The following COPG1 variants were observed in gnomAD, a reference collection of about 807,000 sequenced individuals.
COPG1 encodes the protein coat protein complex I subunit gamma 1.
In COPG1, 29 loss-of-function variants were observed where a neutral mutation model predicts 102.8. The observed-to-expected ratio is 0.28, with a 90% CI of 0.21 to 0.38. The LOEUF (loss-of-function observed/expected upper bound fraction) is 0.38, where lower values mean the gene tolerates loss of function less well. COPG1 is among the 10% of genes least tolerant of loss of function. COPG1 has a pLI of 1.00. For synonymous variants in COPG1, 406 were observed against 421.6 expected, an observed-to-expected ratio of 0.96 and a Z score of 0.45; for missense variants, 875 against 1,132.7, an observed-to-expected ratio of 0.77 and a Z score of 3.27.
chr3:129,255,951 G>C (rs987218005), intron 7 of COPG1, 117 bp from the exon 8 acceptor site: 2 of 792,146 alleles, frequency 2.5e-6, no homozygotes, highest in African/African-American at 1.7e-5. Flanking sequence ...CATGGTCTCT[G>C]AGGACCAGGA....
At chr3:129,251,240 A>AAAATAGAGAGAAATTT (rs1560061084) in intron 2 of COPG1, among the ~76,000 whole-genome samples, 37 of 150,852 alleles carry the variant, frequency 2.5e-4, no homozygotes, top group African/African-American at 8.8e-4. Flanking sequence ...TTAAACATTT[A>AAAATAGAGAGAAATTT]AAAAATTTCT....
Position 129,252,920 on chromosome 3 carries a change from T to C in COPG1, c.288T>C (p.Ser96=). 1 of 1,614,192 alleles carries C rather than the reference T, an allele frequency of 6.2e-7. No homozygotes were observed. The highest frequency in any genetic ancestry group is 8.5e-7 in the Non-Finnish European group (1 of 1,180,028). Residue 96 remains serine (S), a synonymous_variant, in exon 5 of 24, where the codon TCT becomes TCC. Transcript: ENST00000314797. ...RMCYLTIKEM[S]CIAEDVIIVT... is the part of the protein sequence containing the mutation. ...GCTACTTGACCATCAAGGAGATGTC[T>C]TGCATTGCAGAGGATGTCATCATTG... is the stretch of plus-strand genomic sequence containing the variant.
chr3:129,268,810 T>C (rs1264548333), intron 17 of COPG1, 122 bp from the exon 18 acceptor site: 4 of 1,137,904 alleles, frequency 3.5e-6, no homozygotes, highest in Non-Finnish European at 5.3e-6. Context: ...CTCACATGTC[T>C]TCTGCTTCCC....
chr3:129,271,963 A>G lies in COPG1; in HGVS notation c.1986+54A>G. 1 of 1,584,754 alleles carries G rather than the reference A, an allele frequency of 6.3e-7. No homozygotes were observed. Among genetic ancestry groups the G allele is most frequent in the Non-Finnish European group, 8.6e-7 (1 of 1,163,456 alleles). Reference sequence around the variant, plus strand: ...GGGCATGCGCCCAGGGAGTTGTCCCAGGTCTGGCAGGTCCTGTAGGGTCAT... The same window carrying G: ...GGGCATGCGCCCAGGGAGTTGTCCCGGGTCTGGCAGGTCCTGTAGGGTCAT... On this transcript the variant is annotated intron_variant, in intron 19 of 23. Coordinates refer to ENST00000314797, the MANE Select transcript of COPG1 (RefSeq NM_016128.4). This position sits in a 1 kb window ranked among gnomAD's most constrained non-coding sequence, Gnocchi z 4.7.
Position 129,271,783 on chromosome 3 carries a change from G to A in COPG1, c.1860G>A (p.Val620=). 9 of 1,614,218 alleles carry A rather than the reference G, an allele frequency of 5.6e-6. No individual in the cohort carries two copies. Among genetic ancestry groups the A allele is most frequent in the East Asian group, 2.2e-5 (1 of 44,892 alleles). ...QEIFQEQLAA[V]PEFRGLGPLF... is the part of the protein sequence containing the mutation. Reference sequence around the variant, plus strand: ...GGATTTCAGAGCAGTTGGCAGCAGTGCCAGAGTTCCGCGGTCTTGGGCCCC... The same window carrying A: ...GGATTTCAGAGCAGTTGGCAGCAGTACCAGAGTTCCGCGGTCTTGGGCCCC... Residue 620 remains valine (V), a synonymous_variant, in exon 19 of 24, where the codon GTG becomes GTA. Transcript: ENST00000314797. The surrounding 1 kb of genome is among the most constrained non-coding windows in gnomAD (Gnocchi z 4.7).
At chr3:129,254,888 C>G in intron 6 of COPG1, 97 bp from the exon 7 acceptor site, 1 of 1,210,218 alleles carries the variant, frequency 8.3e-7, no homozygotes. Context: ...GAAACGCTTA[C>G]TTCCTCCTCA....
At chr3:129,258,560 C>T (rs1196612186) in intron 10 of COPG1, among the ~76,000 whole-genome samples, 10 of 152,180 alleles carry the variant, frequency 6.6e-5, no homozygotes, top group Non-Finnish European at 1.0e-4. Flanking sequence ...CAGGTTCAAG[C>T]GATTCTCCTG....
chr3:129,267,394 G>A, intron 15 of COPG1, among the ~76,000 whole-genome samples: 1 of 152,150 alleles, frequency 6.6e-6, no homozygotes, highest in East Asian at 1.9e-4. Flanking sequence ...GGCCAAGGCG[G>A]GCGGATCACA....
At chr3:129,263,617 T>G (rs1239180497) in intron 12 of COPG1, among the ~76,000 whole-genome samples, 1 of 151,910 alleles carries the variant, frequency 6.6e-6, no homozygotes, top group Non-Finnish European at 1.5e-5. Context: ...CAGGACAGGT[T>G]GGGTGGAGGG....
intron 16 of COPG1, 58 bp downstream of exon 16, chr3:129,268,098 C>A: frequency 2.1e-6 from 3 of 1,418,120 alleles, no homozygotes; most frequent in South Asian, 1.2e-5. Flanking sequence ...TGGTTCTCAT[C>A]ACTCCCTGGG....
intron 12 of COPG1, among the ~76,000 whole-genome samples, chr3:129,261,008 C>T (rs779379618): frequency 6.6e-6 from 1 of 152,152 alleles, no homozygotes; most frequent in Non-Finnish European, 1.5e-5. Flanking sequence ...CCATCCATAT[C>T]GTCCCCTTGT....
chr3:129,267,392 C>T (rs374688250), intron 15 of COPG1, among the ~76,000 whole-genome samples: 24 of 152,248 alleles, frequency 1.6e-4, no homozygotes, highest in Middle Eastern at 3.4e-3. Flanking sequence ...GAGGCCAAGG[C>T]GGGCGGATCA....
intron 10 of COPG1, among the ~76,000 whole-genome samples, chr3:129,259,852 T>C (rs1418970061): frequency 6.6e-6 from 1 of 152,168 alleles, no homozygotes; most frequent in East Asian, 1.9e-4. Context: ...GGAAGTTCTG[T>C]TGGATCCTGT....
In COPG1 at chr3:129,254,904, A is replaced by C. The variant is rs4927913; in HGVS notation, c.400-81A>C. On this transcript the variant is annotated intron_variant, in intron 6 of 23. Transcript: ENST00000314797. The stretch of plus-strand genomic sequence containing the variant: ...AAACGCTTACTTCCTCCTCATACTC[A>C]TCTCTGCCCCCATTCCTGCACTCCT... 0.035 allele frequency: 44,870 copies of C among 1,271,306 alleles called. 5,227 individuals are homozygous for C. The African/African-American group carries it at 0.35, about 10-fold the overall frequency. 78.8% of individuals were successfully genotyped at this position (1,271,306 alleles called of 1,614,324 possible).
chr3:129,267,148 C>A, intron 15 of COPG1, 49 bp downstream of exon 15: 2 of 1,419,964 alleles, frequency 1.4e-6, no homozygotes, highest in Non-Finnish European at 2.0e-6. Flanking sequence ...CCCTTGGACC[C>A]AAGCAGCTTT....
chr3:129,258,485 T>TC (rs1939861227), intron 10 of COPG1, among the ~76,000 whole-genome samples: 1 of 152,186 alleles, frequency 6.6e-6, no homozygotes, highest in Admixed American at 6.5e-5. Context: ...TGAGACGGAG[T>TC]CTCACTATGT....
chr3:129,260,648 A>G lies in COPG1; in HGVS notation c.969A>G (p.Thr323=). 1 of 1,614,202 alleles carries G rather than the reference A, an allele frequency of 6.2e-7. No homozygotes were observed. The highest frequency in any genetic ancestry group is 8.5e-7 in the Non-Finnish European group (1 of 1,180,046). Residue 323 remains threonine (T), a synonymous_variant, in exon 12 of 24, where the codon ACA becomes ACG. Transcript: ENST00000314797. ...KVAMKHPSAV[T]ACNLDLENLV... ...CCATGAAGCATCCGTCAGCTGTGAC[A>G]GCTTGTAATCTGGATCTGGAGAACC...
chr3:129,274,104 A>G, intron 21 of COPG1: 1 of 455,958 alleles, frequency 2.2e-6, no homozygotes, highest in Non-Finnish European at 4.4e-6. Flanking sequence ...TGAGCTGGAA[A>G]TGACCCCGAG....
At position 129,277,327 on chromosome 3, in the gene COPG1, G is replaced by A. The variant is rs886379599; in HGVS notation, c.2528G>A (p.Arg843His). Residue 843 changes from arginine to histidine, a missense_variant, in exon 24 of 24, where the codon CGC becomes CAC. Transcript: ENST00000314797. ...VFRGGHDILV[R>H]SRLLLLDTVT... ...CGGGGTGGTCATGACATCCTGGTGC[G>A]CTCCCGGCTGCTGCTTTTGGACACA... The A allele has an allele frequency of 2.5e-6, 4 of 1,613,896 alleles. No homozygotes were observed. The highest frequency in any genetic ancestry group is 3.4e-6 in the Non-Finnish European group (4 of 1,179,954).
Sources: gnomAD v4.1 joint callset for allele counts (sites outside exome capture counted in the v4.1 genomes callset) on GRCh38, gnomAD v4.1.1 for gene constraint, Gnocchi (gnomAD v3.1) non-coding constraint, MANE v1.5 for transcripts, NCBI Gene and HGNC (gene_info 2026-07-23, HGNC 2026-07-21) for gene names.